Variants in GRM5 observed in about 807,000 individuals in gnomAD.
GRM5 encodes the protein glutamate metabotropic receptor 5.
A neutral mutation model predicts 83.1 loss-of-function variants in GRM5; 19 were observed. The ratio of observed to expected loss-of-function variants is 0.23; its 90% CI spans 0.16 to 0.34. The LOEUF (loss-of-function observed/expected upper bound fraction) is 0.34, where lower values mean the gene tolerates loss of function less well. GRM5 is among the 10% of genes least tolerant of loss of function. GRM5 has a pLI of 1.00. For missense variants in GRM5, 1,160 were observed against 1,588.3 expected (o/e 0.73, Z 4.58); for synonymous variants, 675 against 633.6 (o/e 1.07, Z -0.98).
intron 2 of GRM5, among the ~76,000 whole-genome samples, chr11:88,939,894 C>A (rs1490599876): frequency 1.3e-5 from 2 of 151,660 alleles, no homozygotes; most frequent in Non-Finnish European, 2.9e-5. Context: ...TGAGAAGCAG[C>A]AGACCATGTG....
intron 3 of GRM5, among the ~76,000 whole-genome samples, chr11:88,655,025 A>G (rs1433796755): frequency 2.0e-5 from 3 of 152,066 alleles, no homozygotes; most frequent in Non-Finnish European, 2.9e-5. Flanking sequence ...GTGGGTGGAG[A>G]GAAGGGAAAA....
At chr11:88,843,353 T>G (rs1253783447) in intron 3 of GRM5, among the ~76,000 whole-genome samples, 2 of 152,092 alleles carry the variant, frequency 1.3e-5, no homozygotes, top group African/African-American at 4.8e-5. Context: ...ATACAATATA[T>G]AAGGATCAAA....
At chr11:88,549,689 C>A (rs1313515861) in intron 8 of GRM5, among the ~76,000 whole-genome samples, 1 of 151,820 alleles carries the variant, frequency 6.6e-6, no homozygotes, top group Non-Finnish European at 1.5e-5. Context: ...GCTCTAGGGG[C>A]TTGATGTAGC....
chr11:88,769,727 C>T (rs1272418412), intron 3 of GRM5, among the ~76,000 whole-genome samples: 1 of 152,030 alleles, frequency 6.6e-6, no homozygotes, highest in Non-Finnish European at 1.5e-5. Context: ...CTAAGATTAA[C>T]ATCTGCAAGT....
chr11:88,887,500 G>C (rs1281716228), intron 2 of GRM5, among the ~76,000 whole-genome samples: 3 of 152,094 alleles, frequency 2.0e-5, no homozygotes, highest in African/African-American at 4.8e-5. Context: ...CAGAGGACTA[G>C]AGCCACTTGG....
intron 2 of GRM5, among the ~76,000 whole-genome samples, chr11:88,945,936 C>G (rs1463727433): frequency 6.6e-6 from 1 of 151,818 alleles, no homozygotes; most frequent in Non-Finnish European, 1.5e-5. Flanking sequence ...AATGATCAAC[C>G]AAGTAAACAG....
chr11:88,523,755 T>C (rs1321941692), intron 9 of GRM5, among the ~76,000 whole-genome samples: 2 of 152,174 alleles, frequency 1.3e-5, no homozygotes, highest in Non-Finnish European at 2.9e-5. Flanking sequence ...CTGGGCACCA[T>C]TTTCATAGAC....
intron 4 of GRM5, among the ~76,000 whole-genome samples, chr11:88,619,914 GA>G (rs200938832): frequency 1.0e-4 from 15 of 147,566 alleles, no homozygotes; most frequent in African/African-American, 2.2e-4. Context: ...ACATTGCAAT[GA>G]AAAAAAAAAC....
rs1476884985 is a variant in GRM5 at position 88,509,244 on chromosome 11, C to T, written c.2987G>A (p.Gly996Asp). The change falls in exon 10 of 10, where the codon GGC becomes GAC. Residue 996 changes from glycine (G) to aspartate (D), a missense_variant. This residue lies in a region of GRM5 where 562 missense variants were observed against 532.4 expected (regional missense o/e 1.06). Coordinates refer to ENST00000305447, the MANE Select transcript of GRM5 (RefSeq NM_001143831.3). ...GPGGPESPDA[G>D]PKALYDVAEA... The stretch of plus-strand genomic sequence containing the variant: ...GGCCACATCATACAGCGCCTTGGGG[C>T]CGGCGTCTGGGGACTCGGGCCCGCC... 6.7e-7 allele frequency: 1 copy of T among 1,496,874 alleles called. No homozygotes were observed. Among genetic ancestry groups the T allele is most frequent in the Non-Finnish European group, 8.9e-7 (1 of 1,126,160 alleles). The allele number at this position is 1,496,874 out of a possible 1,614,324, so 92.7% of individuals were successfully genotyped here.
chr11:89,002,558 T>C (rs536341283), intron 2 of GRM5, among the ~76,000 whole-genome samples: 88 of 152,306 alleles, frequency 5.8e-4, no homozygotes, highest in African/African-American at 2.0e-3. Flanking sequence ...AGTTCATTTA[T>C]TCATCTACTA....
chr11:88,594,454 A>G (rs532611829), intron 6 of GRM5, among the ~76,000 whole-genome samples: 1 of 152,334 alleles, frequency 6.6e-6, no homozygotes, highest in South Asian at 2.1e-4. Flanking sequence ...GAAAGTAGCC[A>G]TGGAGACTAT....
chr11:88,932,280 T>C (rs1292802075), intron 2 of GRM5, among the ~76,000 whole-genome samples: 2 of 152,072 alleles, frequency 1.3e-5, no homozygotes, highest in Admixed American at 6.6e-5. Context: ...TAAATTTGGA[T>C]GCACAAATTA....
intron 3 of GRM5, among the ~76,000 whole-genome samples, chr11:88,834,819 G>A (rs1944062410): frequency 6.6e-6 from 1 of 152,156 alleles, no homozygotes; most frequent in Non-Finnish European, 1.5e-5. Context: ...GTGTCCTAGG[G>A]AGTCACCTCT....
At chr11:88,749,476 C>T (rs1200968831) in intron 3 of GRM5, among the ~76,000 whole-genome samples, 1 of 151,990 alleles carries the variant, frequency 6.6e-6, no homozygotes, top group Non-Finnish European at 1.5e-5. Context: ...ATTGGGGTAC[C>T]AAAAAGAGGT....
chr11:88,517,943 T>C (rs541521797), intron 9 of GRM5, among the ~76,000 whole-genome samples: 1 of 152,200 alleles, frequency 6.6e-6, no homozygotes, highest in East Asian at 1.9e-4. Context: ...TATATGTCTA[T>C]TTACAAAATG....
chr11:88,939,624 AGC>A (rs1203371686), intron 2 of GRM5, among the ~76,000 whole-genome samples: 1 of 151,772 alleles, frequency 6.6e-6, no homozygotes, highest in Non-Finnish European at 1.5e-5. Flanking sequence ...AAAACAGATA[AGC>A]GAACACAACA....
At chr11:88,845,311 T>G (rs531862418) in intron 3 of GRM5, among the ~76,000 whole-genome samples, 234 of 136,426 alleles carry the variant, frequency 1.7e-3, no homozygotes, top group Admixed American at 2.7e-3. Context: ...AAGGCTCAGA[T>G]GATCACTTGC....
chr11:88,911,671 CTA>C (rs1945501648), intron 2 of GRM5, among the ~76,000 whole-genome samples: 1 of 152,118 alleles, frequency 6.6e-6, no homozygotes, highest in African/African-American at 2.4e-5. Flanking sequence ...CCTCTTTAGG[CTA>C]TGTTTCCTTA....
intron 2 of GRM5, among the ~76,000 whole-genome samples, chr11:88,920,697 C>T (rs190177193): frequency 6.6e-6 from 1 of 152,228 alleles, no homozygotes; most frequent in African/African-American, 2.4e-5. Context: ...TACTAGCAAA[C>T]CAAATTCACC....
Sources: allele counts gnomAD v4.1 joint callset (sites outside exome capture counted in the v4.1 genomes callset), GRCh38; gene constraint gnomAD v4.1.1; regional missense constraint gnomAD v4.1.1; transcripts MANE v1.5; gene names NCBI Gene and HGNC (gene_info 2026-07-23, HGNC 2026-07-21).